CDH18: variants seen among roughly 807,000 people sequenced by gnomAD.
CDH18 encodes the protein cadherin-18.
A neutral mutation model predicts 67.9 loss-of-function variants in CDH18; 31 were observed. That is an observed-to-expected ratio of 0.46 (90% CI 0.34 to 0.62). CDH18 has a LOEUF of 0.62. Among genes scored for constraint, CDH18 ranks in the 20% least tolerant of loss-of-function variants. CDH18 has a pLI of 0.01. For synonymous variants in CDH18, 362 were observed against 347.2 expected (o/e 1.04, Z -0.48); for missense variants, 890 against 975.5 (o/e 0.91, Z 1.17).
intron 1 of CDH18, among the ~76,000 whole-genome samples, chr5:20,455,684 G>T (rs1048242893): frequency 6.6e-6 from 1 of 151,858 alleles, no homozygotes; most frequent in East Asian, 1.9e-4. Context: ...TTTTCTAATA[G>T]ATTTTATACA....
In CDH18 at chr5:19,503,043, G is replaced by C. The variant is rs765442242; in HGVS notation, c.1579C>G (p.Leu527Val). 6.2e-7 allele frequency: 1 copy of C among 1,612,866 alleles called. No individual in the cohort carries two copies. Among genetic ancestry groups the C allele is most frequent in the Non-Finnish European group, 8.5e-7 (1 of 1,179,014 alleles). ...FANGPRFNFF[L>V]DERLPVNPNF... ...GGATTTACAGGCAGGCGTTCATCAA[G>C]AAAGAAGTTAAACCTTGGTCCATTG... The change falls in exon 11 of 13, where the codon CTT becomes GTT. Residue 527 changes from leucine to valine, a missense_variant. This residue lies in a region of CDH18 where 656 missense variants were observed against 668.1 expected (regional missense o/e 0.98). Transcript: ENST00000382275.
intron 2 of CDH18, among the ~76,000 whole-genome samples, chr5:19,923,131 A>C (rs900543425): frequency 1.3e-5 from 2 of 152,178 alleles, no homozygotes; most frequent in Non-Finnish European, 2.9e-5. Flanking sequence ...TACTGCTGTC[A>C]TATTGTAAGG....
At chr5:20,013,069 A>T (rs1394417189) in intron 2 of CDH18, among the ~76,000 whole-genome samples, 1 of 152,132 alleles carries the variant, frequency 6.6e-6, no homozygotes, top group Non-Finnish European at 1.5e-5. Context: ...AACTTACAAT[A>T]AAAGTTTTTT....
intron 2 of CDH18, among the ~76,000 whole-genome samples, chr5:19,968,823 A>G (rs1244895956): frequency 6.9e-6 from 1 of 145,912 alleles, no homozygotes; most frequent in Non-Finnish European, 1.5e-5. Flanking sequence ...CAATGGCAAC[A>G]AAAGCCAGAA....
At chr5:19,644,837 G>T (rs1442593429) in intron 5 of CDH18, among the ~76,000 whole-genome samples, 1 of 152,094 alleles carries the variant, frequency 6.6e-6, no homozygotes, top group African/African-American at 2.4e-5. Flanking sequence ...ATTTCAGATG[G>T]ATAATGTGCA....
chr5:20,156,939 T>C (rs1290877137), intron 2 of CDH18, among the ~76,000 whole-genome samples: 1 of 152,180 alleles, frequency 6.6e-6, no homozygotes, highest in African/African-American at 2.4e-5. Context: ...CCCTTATCCA[T>C]GATGGATACA....
At chr5:20,309,451 A>G (rs1329472584) in intron 1 of CDH18, among the ~76,000 whole-genome samples, 2 of 152,206 alleles carry the variant, frequency 1.3e-5, no homozygotes, top group Non-Finnish European at 2.9e-5. Flanking sequence ...AACAAAAGAG[A>G]ATATAGATTA....
chr5:20,370,481 C>T (rs1456259680), intron 1 of CDH18, among the ~76,000 whole-genome samples: 5 of 152,086 alleles, frequency 3.3e-5, no homozygotes, highest in South Asian at 2.1e-4. Flanking sequence ...GTTTTTTGAC[C>T]GTTACCCATA....
chr5:19,755,525 C>A (rs1369397080), intron 3 of CDH18, among the ~76,000 whole-genome samples: 56 of 82,386 alleles, frequency 6.8e-4, no homozygotes, highest in Non-Finnish European at 1.4e-3. Flanking sequence ...ATATATATGC[C>A]CTGTTAGTTT....
At chr5:20,009,987 C>A (rs1317460839) in intron 2 of CDH18, among the ~76,000 whole-genome samples, 2 of 152,102 alleles carry the variant, frequency 1.3e-5, no homozygotes, top group African/African-American at 4.8e-5. Context: ...CAGATTGTCA[C>A]TGAATATTAA....
intron 1 of CDH18, among the ~76,000 whole-genome samples, chr5:20,539,302 A>AC (rs1361252175): frequency 6.6e-6 from 1 of 152,076 alleles, no homozygotes; most frequent in Non-Finnish European, 1.5e-5. Flanking sequence ...TCTGTGAGAA[A>AC]CTGAAGAGAA....
intron 10 of CDH18, among the ~76,000 whole-genome samples, chr5:19,508,360 T>C (rs909522900): frequency 3.3e-5 from 5 of 152,130 alleles, no homozygotes; most frequent in Non-Finnish European, 5.9e-5. Flanking sequence ...CTGATTTATA[T>C]CCACTGTGTT....
At chr5:20,138,045 C>T (rs1366259821) in intron 2 of CDH18, among the ~76,000 whole-genome samples, 2 of 151,954 alleles carry the variant, frequency 1.3e-5, no homozygotes, top group South Asian at 2.1e-4. Context: ...CCCTGATGAA[C>T]ATTGATGCAA....
intron 2 of CDH18, among the ~76,000 whole-genome samples, chr5:20,181,659 G>T (rs1446878812): frequency 6.6e-6 from 1 of 152,068 alleles, no homozygotes; most frequent in Non-Finnish European, 1.5e-5. Flanking sequence ...CAGCTTCATG[G>T]TATTCAAGTG....
At chr5:20,113,296 G>A (rs1283689963) in intron 2 of CDH18, among the ~76,000 whole-genome samples, 4 of 152,150 alleles carry the variant, frequency 2.6e-5, no homozygotes. Context: ...ATCTTCCCCA[G>A]CTGAGATGCT....
chr5:19,684,871 C>A (rs1214296853), intron 5 of CDH18, among the ~76,000 whole-genome samples: 2 of 152,094 alleles, frequency 1.3e-5, no homozygotes, highest in Non-Finnish European at 2.9e-5. Context: ...TCTTTCCATT[C>A]CTTATTACAG....
chr5:19,747,288 A>G (rs1168688256), intron 3 of CDH18, 52 bp from the exon 4 acceptor site: 2 of 1,455,310 alleles, frequency 1.4e-6, no homozygotes, highest in East Asian at 2.3e-5. Flanking sequence ...CCAACCTCAC[A>G]TTATGTTCTC....
chr5:19,762,815 A>T (rs1434435032), intron 3 of CDH18, among the ~76,000 whole-genome samples: 1 of 152,190 alleles, frequency 6.6e-6, no homozygotes, highest in African/African-American at 2.4e-5. Context: ...TTGTTGCAGC[A>T]CTATTCACAA....
chr5:20,274,709 A>T (rs578165200), intron 1 of CDH18, among the ~76,000 whole-genome samples: 3 of 152,318 alleles, frequency 2.0e-5, no homozygotes, highest in Non-Finnish European at 4.4e-5. Flanking sequence ...GATACATGTA[A>T]AACCAATTAA....
Sources: allele counts gnomAD v4.1 joint callset (sites outside exome capture counted in the v4.1 genomes callset), GRCh38; gene constraint gnomAD v4.1.1; regional missense constraint gnomAD v4.1.1; transcripts MANE v1.5; gene names NCBI Gene and HGNC (gene_info 2026-07-23, HGNC 2026-07-21).